Variants in SVOPL observed in about 807,000 individuals in gnomAD.
SVOPL encodes the protein putative transporter SVOPL.
In SVOPL, 60 loss-of-function variants were observed where a neutral mutation model predicts 61.0. The ratio of observed to expected loss-of-function variants is 0.98; its 90% confidence interval spans 0.80 to 1.22. The LOEUF (loss-of-function observed/expected upper bound fraction) is 1.22, where lower values mean the gene tolerates loss of function less well. Among genes scored for constraint, SVOPL ranks in the 50% most tolerant of loss-of-function variants. SVOPL has a pLI of 0.00. For synonymous variants in SVOPL, 279 were observed against 250.0 expected, an observed-to-expected ratio of 1.12 and a Z score of -1.09; for missense variants, 662 against 643.9, an observed-to-expected ratio of 1.03 and a Z score of -0.30.
At chr7:138,671,948 C>A in intron 4 of SVOPL, 71 bp downstream of exon 4, 1 of 1,410,142 alleles carries the variant, frequency 7.1e-7, no homozygotes, top group South Asian at 1.2e-5. Context: ...GGCTCTCAGC[C>A]CTGCAGGATG....
intron 1 of SVOPL, among the ~76,000 whole-genome samples, chr7:138,680,285 C>T (rs1457200086): frequency 2.0e-5 from 3 of 150,584 alleles, no homozygotes; most frequent in African/African-American, 7.3e-5. Context: ...TCTCCTCCCT[C>T]TTACATGCAC....
chr7:138,624,609 A>G (rs1400048303), intron 13 of SVOPL, among the ~76,000 whole-genome samples: 2 of 152,174 alleles, frequency 1.3e-5, no homozygotes, highest in Non-Finnish European at 2.9e-5. Flanking sequence ...GTCAACACGA[A>G]ATTGGAATAC....
rs913314053 is a variant in SVOPL, at chr7:138,597,245, G to T, written c.1354-715C>A. 20 of 1,286,070 alleles carry T rather than the reference G, an allele frequency of 1.6e-5. 1 individual carries two copies. Among genetic ancestry groups the T allele is most frequent in the Admixed American group, 2.3e-5 (1 of 43,368 alleles). 79.7% of individuals were successfully genotyped at this position (1,286,070 alleles called of 1,614,324 possible). ...TATGAAGTGGTTAACCAACAGCAAA[G>T]CTCTCTAGAATCACAGAATAATGTA... On this transcript the variant is annotated intron_variant, in intron 14 of 15. Coordinates refer to ENST00000674285, the MANE Select transcript of SVOPL (RefSeq NM_001139456.2).
At chr7:138,695,763 T>C (rs1469046095) in intron 1 of SVOPL, among the ~76,000 whole-genome samples, 3 of 152,100 alleles carry the variant, frequency 2.0e-5, no homozygotes, top group South Asian at 2.1e-4. Flanking sequence ...TTTTTATGCA[T>C]TGTTTGAATT....
At chr7:138,605,174 G>A (rs1798697392) in intron 14 of SVOPL, among the ~76,000 whole-genome samples, 1 of 141,866 alleles carries the variant, frequency 7.0e-6, no homozygotes, top group Non-Finnish European at 1.5e-5. Flanking sequence ...CAATAAAAAT[G>A]TTTCCTGACA....
chr7:138,661,406 G>A (rs528893353), intron 5 of SVOPL: 7 of 985,292 alleles, frequency 7.1e-6, no homozygotes, highest in East Asian at 1.1e-4. Flanking sequence ...AGAGAAAAGC[G>A]GCTCAGAACA....
At chr7:138,691,603 T>C (rs533002657) in intron 1 of SVOPL, among the ~76,000 whole-genome samples, 8 of 152,276 alleles carry the variant, frequency 5.3e-5, no homozygotes, top group African/African-American at 1.9e-4. Context: ...TGCGATGGCG[T>C]GATCTCGGCT....
At chr7:138,678,838 G>A (rs1802637326) in intron 2 of SVOPL, 126 bp downstream of exon 2, 5 of 959,586 alleles carry the variant, frequency 5.2e-6, no homozygotes, top group East Asian at 5.3e-5. Context: ...CCAAAGTGAT[G>A]GGATTACAGG....
chr7:138,601,488 A>C (rs906170605), intron 14 of SVOPL, among the ~76,000 whole-genome samples: 1 of 152,102 alleles, frequency 6.6e-6, no homozygotes, highest in African/African-American at 2.4e-5. Context: ...TTATGCTAAA[A>C]ACTAATAATA....
Position 138,594,445 on chromosome 7 carries a change from A to G in SVOPL, c.*165T>C. 2.2e-6 allele frequency: 1 copy of G among 457,826 alleles called. No homozygotes were observed. Among genetic ancestry groups the G allele is most frequent in the Non-Finnish European group, 3.9e-6 (1 of 259,550 alleles). The allele number at this position is 457,826 out of a possible 1,614,324, so 28.4% of individuals were successfully genotyped here. ...TATATTGTTCCTCAAGGAAGAGATC[A>G]ATATACAGTTACCTACCCCATTCCC... On this transcript the variant is annotated 3_prime_UTR_variant, in exon 16 of 16. Coordinates refer to ENST00000674285, the MANE Select transcript of SVOPL (RefSeq NM_001139456.2).
rs1584853508 is a variant in SVOPL at position 138,663,537 on chromosome 7, T to C, written c.274-392A>G. 3.4e-5 allele frequency: 34 copies of C among 1,002,844 alleles called. 1 individual carries two copies. In the South Asian group the frequency reaches 1.3e-3, roughly 39 times the overall value. 62.1% of individuals were successfully genotyped at this position (1,002,844 alleles called of 1,614,324 possible). ...CTAGAAGCAGTCTCCCTTTATGTTA[T>C]TACAAATAGACATAACTTTAAACAC... On this transcript the variant is annotated intron_variant, in intron 4 of 15. Transcript: ENST00000674285.
At chr7:138,641,821 T>TATATATATATATATATATATA (rs1266416372) in intron 9 of SVOPL, among the ~76,000 whole-genome samples, 1 of 138,834 alleles carries the variant, frequency 7.2e-6, no homozygotes. Flanking sequence ...ATGTTATATA[T>TATATATATATATATATATATA]ATATATATAT....
At chr7:138,691,252 A>C (rs1197651518) in intron 1 of SVOPL, among the ~76,000 whole-genome samples, 2 of 152,214 alleles carry the variant, frequency 1.3e-5, no homozygotes, top group Non-Finnish European at 2.9e-5. Context: ...AGTTTGATGG[A>C]AAAATAGTAT....
At chr7:138,613,918 A>T (rs1333133691) in intron 14 of SVOPL, among the ~76,000 whole-genome samples, 7 of 152,186 alleles carry the variant, frequency 4.6e-5, no homozygotes, top group Admixed American at 1.3e-4. Context: ...TTTTTCCTGA[A>T]AATTTAACCA....
Position 138,628,215 on chromosome 7 carries a change from T to C in SVOPL, c.1012A>G (p.Met338Val), listed in dbSNP as rs777572623. 6.2e-7 allele frequency: 1 copy of C among 1,614,118 alleles called. No homozygotes were observed. ...GTCCGATAGTCAGAGGGTGCAAACA[T>C]GTGGCAGTAGCAGGGGCTCTGGCTC... ...GESQSPCYCH[M>V]FAPSDYRTMI... Residue 338 changes from methionine (M) to valine (V), a missense_variant, in exon 11 of 16, where the codon ATG (methionine) becomes GTG (valine). Coordinates refer to ENST00000674285, the MANE Select transcript of SVOPL (RefSeq NM_001139456.2).
chr7:138,612,447 T>TAAAAAAAAAAAAA (rs59229265), intron 14 of SVOPL, among the ~76,000 whole-genome samples: 1 of 22,298 alleles, frequency 4.5e-5, no homozygotes, highest in Non-Finnish European at 9.2e-5. Context: ...AAAAAAAAAA[T>TAAAAAAAAAAAAA]AAAAAAAAAA....
At chr7:138,685,326 GC>G (rs1802783202) in intron 1 of SVOPL, among the ~76,000 whole-genome samples, 1 of 152,158 alleles carries the variant, frequency 6.6e-6, no homozygotes, top group East Asian at 1.9e-4. Context: ...AATTAAACAA[GC>G]CAGGCACAGA....
At chr7:138,688,830 T>C in intron 1 of SVOPL, 1 of 360,970 alleles carries the variant, frequency 2.8e-6, no homozygotes, top group South Asian at 2.2e-5. Context: ...TGAGTTGAAT[T>C]GTGTGCCCAT....
chr7:138,615,096 G>A (rs1445764335), intron 14 of SVOPL, among the ~76,000 whole-genome samples: 4 of 152,106 alleles, frequency 2.6e-5, no homozygotes, highest in African/African-American at 4.8e-5. Flanking sequence ...CAGTGCACAC[G>A]TCACTGAACC....
Sources: allele counts gnomAD v4.1 joint callset (sites outside exome capture counted in the v4.1 genomes callset), GRCh38; gene constraint gnomAD v4.1.1; transcripts MANE v1.5; gene names NCBI Gene and HGNC (gene_info 2026-07-23, HGNC 2026-07-21).